The following KDM4C variants were observed in gnomAD, a reference collection of about 807,000 sequenced individuals.
KDM4C encodes lysine-specific demethylase 4C.
In KDM4C, 81 loss-of-function variants were observed where a neutral mutation model predicts 129.3. The ratio of observed to expected loss-of-function variants is 0.63; its 90% CI spans 0.52 to 0.75. The LOEUF (loss-of-function observed/expected upper bound fraction) is 0.75. Ranked by LOEUF, KDM4C falls within the 30% of genes least tolerant of loss-of-function variation. The pLI is 0.00. For synonymous variants in KDM4C, 573 were observed against 456.1 expected (o/e 1.26, Z -3.26); for missense variants, 1,457 against 1,304.0 (o/e 1.12, Z -1.81).
chr9:7,134,674 C>T (rs1841003686), intron 19 of KDM4C, among the ~76,000 whole-genome samples: 1 of 152,138 alleles, frequency 6.6e-6, no homozygotes, highest in Non-Finnish European at 1.5e-5. Context: ...ACACAATTTA[C>T]ATAAGATCGA....
intron 5 of KDM4C, among the ~76,000 whole-genome samples, chr9:6,851,361 G>A (rs531936094): frequency 6.6e-6 from 1 of 152,300 alleles, no homozygotes; most frequent in African/African-American, 2.4e-5. Flanking sequence ...TTACTGTAAA[G>A]TTTGTTGGAA....
chr9:6,875,751 A>C (rs1328003850), intron 5 of KDM4C, among the ~76,000 whole-genome samples: 4 of 152,180 alleles, frequency 2.6e-5, no homozygotes, highest in Non-Finnish European at 5.9e-5. Context: ...GATAGGTCTT[A>C]GCAATATCTG....
intron 1 of KDM4C, among the ~76,000 whole-genome samples, chr9:6,737,664 CAAAAAA>C (rs34608889): frequency 2.1e-5 from 1 of 47,480 alleles, no homozygotes; most frequent in Admixed American, 2.5e-4. Context: ...GACTTCATCT[CAAAAAA>C]AAAAAAAAAA....
At chr9:6,924,120 C>CT (rs1485806756) in intron 8 of KDM4C, among the ~76,000 whole-genome samples, 6 of 152,032 alleles carry the variant, frequency 3.9e-5, no homozygotes, top group Non-Finnish European at 7.4e-5. Context: ...CTGGCTTTTT[C>CT]TTTTTTTAAA....
rs960301443 is a variant in KDM4C at position 6,950,069 on chromosome 9, C to G, written c.922-30856C>G. Among the ~76,000 whole-genome samples, 312 of 84,020 alleles carry G rather than the reference C, an allele frequency of 3.7e-3. 2 individuals carry two copies. Among genetic ancestry groups the G allele is most frequent in the Non-Finnish European group, 5.3e-3 (243 of 45,752 alleles). The allele number at this position is 84,020 out of a possible 152,430, so 55.1% of individuals were successfully genotyped here. A position where few individuals can be genotyped will look rare whatever the true frequency, so the allele number is the denominator to read the frequency against. ...TTTTTTTTTTTTTTTGGTGGAGTATCTTTTCTTGTTTTTTTTTTTCCTCAA... is the reference window on the plus strand; with the variant it reads ...TTTTTTTTTTTTTTTGGTGGAGTATGTTTTCTTGTTTTTTTTTTTCCTCAA... On this transcript the variant is annotated intron_variant, in intron 8 of 21. Transcript: ENST00000381309.
intron 19 of KDM4C, among the ~76,000 whole-genome samples, chr9:7,128,825 C>G (rs377650911): frequency 3.9e-5 from 6 of 152,062 alleles, no homozygotes; most frequent in East Asian, 3.9e-4. Flanking sequence ...GTTGGTCTGT[C>G]TCCATCTCCT....
At chr9:7,158,948 G>C (rs914205051) in intron 19 of KDM4C, among the ~76,000 whole-genome samples, 2 of 152,130 alleles carry the variant, frequency 1.3e-5, no homozygotes, top group Admixed American at 1.3e-4. Context: ...GGGTGTTAAA[G>C]TCTCCCATTA....
intron 1 of KDM4C, among the ~76,000 whole-genome samples, chr9:6,769,654 G>T (rs1399477222): frequency 6.6e-6 from 1 of 152,102 alleles, no homozygotes; most frequent in South Asian, 2.1e-4. Context: ...TTAATAAGAC[G>T]TCAGTACTCA....
intron 8 of KDM4C, among the ~76,000 whole-genome samples, chr9:6,926,034 T>C (rs1441681836): frequency 2.6e-5 from 4 of 152,218 alleles, no homozygotes; most frequent in Non-Finnish European, 4.4e-5. Context: ...GCATAGCCGC[T>C]GCGAACTGTA....
intron 1 of KDM4C, among the ~76,000 whole-genome samples, chr9:6,764,569 TG>T (rs1187672072): frequency 3.9e-5 from 6 of 152,216 alleles, no homozygotes; most frequent in Non-Finnish European, 8.8e-5. Flanking sequence ...TATGATTTCA[TG>T]GAAGTGGATT....
intron 9 of KDM4C, among the ~76,000 whole-genome samples, chr9:6,981,627 C>G (rs1374884300): frequency 6.6e-6 from 1 of 152,120 alleles, no homozygotes; most frequent in Non-Finnish European, 1.5e-5. Flanking sequence ...CTGTAACATG[C>G]TTATCCTTGT....
rs551925172 is a variant in KDM4C at position 6,927,061 on chromosome 9, C to T, written c.921+33829C>T. Among the ~76,000 whole-genome samples the T allele has an allele frequency of 7.2e-5, 11 of 151,902 alleles. No homozygotes were observed. The East Asian group carries it at 1.9e-3, about 27-fold the overall frequency. On this transcript the variant is annotated intron_variant, in intron 8 of 21. Coordinates refer to ENST00000381309, the MANE Select transcript of KDM4C (RefSeq NM_015061.6). ...ATTGTTAACAGAAGAAAATTAACCC[C>T]TTAGATTCTATCCTTTCAAAAAAAA...
At chr9:6,763,247 C>G (rs190427411) in intron 1 of KDM4C, among the ~76,000 whole-genome samples, 3 of 152,322 alleles carry the variant, frequency 2.0e-5, no homozygotes, top group East Asian at 3.9e-4. Context: ...TCCTACCAAA[C>G]TCATCTTTCT....
At chr9:7,037,986 C>G (rs528014708) in intron 15 of KDM4C, among the ~76,000 whole-genome samples, 11 of 152,078 alleles carry the variant, frequency 7.2e-5, no homozygotes, top group African/African-American at 2.7e-4. Flanking sequence ...TGAGCACAGA[C>G]TGTTTGATTT....
In KDM4C at chr9:7,011,000, C is replaced by T. The variant is rs185205694; in HGVS notation, c.1787-698C>T. Among the ~76,000 whole-genome samples, 366 of 152,118 alleles carry T rather than the reference C, an allele frequency of 2.4e-3. 2 individuals are homozygous for T. The highest frequency in any genetic ancestry group is 8.3e-3 in the African/African-American group (346 of 41,490). On this transcript the variant is annotated intron_variant, in intron 12 of 21. Coordinates refer to ENST00000381309, the MANE Select transcript of KDM4C (RefSeq NM_015061.6). The stretch of plus-strand genomic sequence containing the variant: ...CGGTGGTTGCAGTGAGCTGAGATTG[C>T]ACCATTGTACTCCAGCCTGGGCACG...
chr9:6,849,682 T>G lies in KDM4C; in HGVS notation c.611T>G (p.Phe204Cys), dbSNP rs1441287962. The change falls in exon 5 of 22, where the codon TTT becomes TGT. Residue 204 changes from phenylalanine (F) to cysteine (C), a missense_variant. Coordinates refer to ENST00000381309, the MANE Select transcript of KDM4C (RefSeq NM_015061.6). ...MDLYSINYLHFGEPKSWYAIP... is the reference protein window; with the variant it reads ...MDLYSINYLHCGEPKSWYAIP... ...CTCTATAGCATTAATTATCTCCACT[T>G]TGGAGAGCCCAAGTCTTGGCAAGTT... 3 of 1,588,198 alleles carry G rather than the reference T, an allele frequency of 1.9e-6. No homozygotes were observed. Among genetic ancestry groups the G allele is most frequent in the East Asian group, 4.5e-5 (2 of 44,300 alleles).
intron 19 of KDM4C, among the ~76,000 whole-genome samples, chr9:7,149,802 C>G (rs113003603): frequency 2.6e-5 from 4 of 152,236 alleles, no homozygotes; most frequent in African/African-American, 9.6e-5. Flanking sequence ...CACAAGATTT[C>G]TAGAAACATT....
chr9:6,972,592 C>G (rs1040099383), intron 8 of KDM4C, among the ~76,000 whole-genome samples: 1 of 152,150 alleles, frequency 6.6e-6, no homozygotes, highest in Non-Finnish European at 1.5e-5. Flanking sequence ...TTTAAACATT[C>G]TGGTATGTGT....
At chr9:6,984,445 G>T (rs1253206052) in intron 10 of KDM4C, 41 bp downstream of exon 10, 2 of 1,309,686 alleles carry the variant, frequency 1.5e-6, no homozygotes, top group Non-Finnish European at 1.1e-6. Flanking sequence ...TAAGTAGTAG[G>T]TGGTTGATGA....
Sources: allele counts gnomAD v4.1 joint callset (sites outside exome capture counted in the v4.1 genomes callset), GRCh38; gene constraint gnomAD v4.1.1; transcripts MANE v1.5; gene names NCBI Gene and HGNC (gene_info 2026-07-23, HGNC 2026-07-21).